The following SDHC variants were observed in gnomAD, a reference collection of about 807,000 sequenced individuals.
SDHC encodes the protein succinate dehydrogenase cytochrome b560 subunit, mitochondrial.
SDHC carries 11 observed loss-of-function variants against 22.6 expected under a neutral mutation model. That is an observed-to-expected ratio of 0.49 (90% confidence interval 0.31 to 0.81). SDHC has a LOEUF of 0.81. Among genes scored for constraint, SDHC ranks in the 30% least tolerant of loss-of-function variants. SDHC has a pLI of 0.05. For missense variants in SDHC, 160 were observed against 212.0 expected (o/e 0.75, Z 1.52); for synonymous variants, 80 against 77.8 (o/e 1.03, Z -0.15).
intron 4 of SDHC, among the ~76,000 whole-genome samples, chr1:161,354,999 C>T (rs369123322): frequency 2.4e-4 from 36 of 152,154 alleles, no homozygotes; most frequent in African/African-American, 8.4e-4. Flanking sequence ...CATGAGCCAC[C>T]GTGCCAGCCA....
Position 161,338,169 on chromosome 1 carries a change from G to C in SDHC, c.180-2425G>C, listed in dbSNP as rs898155367. 4.6e-5 allele frequency among the ~76,000 whole-genome samples: 7 copies of C among 152,114 alleles called. No homozygotes were observed. In the South Asian group the frequency reaches 1.0e-3, roughly 23 times the overall value. ...CTGTTCTTCCACCTTTTATATTTCT[G>C]TTGTTAAATCTGAGTTGATCAGAGT... is the stretch of plus-strand genomic sequence containing the variant. On this transcript the variant is annotated intron_variant, in intron 3 of 5. Transcript: ENST00000367975.
Position 161,350,923 on chromosome 1 carries a change from T to C in SDHC, c.242-5754T>C, listed in dbSNP as rs1219806041. On this transcript the variant is annotated intron_variant, in intron 4 of 5. Transcript: ENST00000367975. ...CTTAGGCATTTGGGTTTGACCTGCC[T>C]CTTGGGAGGGGCAAAGAATGAGATG... Among the ~76,000 whole-genome samples the C allele has an allele frequency of 3.3e-5, 5 of 152,036 alleles. No homozygotes were observed. In the East Asian group the frequency reaches 9.7e-4, roughly 29 times the overall value.
At chr1:161,351,581 A>G (rs1468855629) in intron 4 of SDHC, among the ~76,000 whole-genome samples, 2 of 152,182 alleles carry the variant, frequency 1.3e-5, no homozygotes, top group Admixed American at 6.5e-5. Context: ...AGCCCTTCCT[A>G]TTTCACAACT....
At chr1:161,324,461 A>G (rs1431962249) in intron 2 of SDHC, among the ~76,000 whole-genome samples, 2 of 152,216 alleles carry the variant, frequency 1.3e-5, no homozygotes, top group East Asian at 3.8e-4. Flanking sequence ...TTATTTTTTA[A>G]AAACTTTTTA....
Position 161,322,564 on chromosome 1 carries a change from TG to T in SDHC, c.21-1049del, listed in dbSNP as rs2102292511. Among the ~76,000 whole-genome samples the T allele has an allele frequency of 2.0e-5, 3 of 148,454 alleles. No homozygotes were observed. The South Asian group carries it at 6.5e-4, about 32-fold the overall frequency. ...ACTCTTAAACCTTTTTTTGTTTGTT[TG>T]TTTTTGTTTTTTTTTTTTTGAGACA... On this transcript the variant is annotated intron_variant, in intron 1 of 5. Coordinates refer to ENST00000367975, the MANE Select transcript of SDHC (RefSeq NM_003001.5).
In SDHC at chr1:161,362,902, G is replaced by A. The variant is rs148834287; in HGVS notation, c.*469G>A. 5.9e-3 allele frequency: 2,525 copies of A among 425,224 alleles called. 53 individuals carry two copies. The highest frequency in any genetic ancestry group is 0.042 in the African/African-American group (2,124 of 50,726). The allele number at this position is 425,224 out of a possible 1,614,324, so 26.3% of individuals were successfully genotyped here. On this transcript the variant is annotated 3_prime_UTR_variant, in exon 6 of 6. Transcript: ENST00000367975. ...ATTCTCTTCATTGGTGAGAGCCCAGGCCATTAACACCTACACAGTGTTATT... is the reference window on the plus strand; with the variant it reads ...ATTCTCTTCATTGGTGAGAGCCCAGACCATTAACACCTACACAGTGTTATT...
At chr1:161,322,837 C>G (rs1161821811) in intron 1 of SDHC, among the ~76,000 whole-genome samples, 1 of 152,182 alleles carries the variant, frequency 6.6e-6, no homozygotes, top group Non-Finnish European at 1.5e-5. Context: ...GTTGGGATTA[C>G]AGGCGTGAGC....
chr1:161,337,395 T>C (rs1404545209), intron 3 of SDHC, among the ~76,000 whole-genome samples: 2 of 152,130 alleles, frequency 1.3e-5, no homozygotes, highest in African/African-American at 4.8e-5. Flanking sequence ...TCCTTTCACA[T>C]GTCTTTGTAG....
chr1:161,338,353 A>G (rs1049859687), intron 3 of SDHC, among the ~76,000 whole-genome samples: 1 of 152,142 alleles, frequency 6.6e-6, no homozygotes, highest in Non-Finnish European at 1.5e-5. Flanking sequence ...TTCTTTTGAG[A>G]TCTTTTTAAC....
Position 161,323,784 on chromosome 1 carries a change from C to G in SDHC, c.77+114C>G, listed in dbSNP as rs1670939396. 5.6e-6 allele frequency: 4 copies of G among 718,086 alleles called. No homozygotes were observed. In the South Asian group the frequency reaches 6.5e-5, roughly 12 times the overall value. 44.5% of individuals were successfully genotyped at this position (718,086 alleles called of 1,614,324 possible). A position where few individuals can be genotyped will look rare whatever the true frequency, so the allele number is the denominator to read the frequency against. On this transcript the variant is annotated intron_variant, in intron 2 of 5. Transcript: ENST00000367975. ...GATCTCGGCTCACTGCAAGCGCCGC[C>G]TCTTGGGTTCACGCCATTCTCCTGC...
intron 1 of SDHC, among the ~76,000 whole-genome samples, chr1:161,318,155 G>T (rs376921080): frequency 1.3e-5 from 2 of 150,154 alleles, no homozygotes; most frequent in Non-Finnish European, 2.9e-5. Flanking sequence ...CTGGGCAACA[G>T]AGCAAGACTC....
intron 3 of SDHC, chr1:161,339,505 C>G: frequency 2.1e-6 from 2 of 968,370 alleles, no homozygotes; most frequent in Non-Finnish European, 2.8e-6. Context: ...GTGTCTTTGA[C>G]CCATGTTTCT....
chr1:161,328,007 A>AATTTT (rs1258472271), intron 2 of SDHC, among the ~76,000 whole-genome samples: 1 of 138,292 alleles, frequency 7.2e-6, no homozygotes. Flanking sequence ...GATACTGCAA[A>AATTTT]TTTTTTTTTT....
rs1178763847 is a variant in SDHC, at chr1:161,362,514, T to A, written c.*81T>A. 1 of 1,609,786 alleles carries A rather than the reference T, an allele frequency of 6.2e-7. No homozygotes were observed. The highest frequency in any genetic ancestry group is 1.3e-5 in the African/African-American group (1 of 74,932). On this transcript the variant is annotated 3_prime_UTR_variant, in exon 6 of 6. Coordinates refer to ENST00000367975, the MANE Select transcript of SDHC (RefSeq NM_003001.5). ...CTGTTTGTCATTCTTATCTCCAGCC[T>A]GGGAAAAGTTCTCCTTATTTGTTTA...
chr1:161,327,429 T>C (rs764698271), intron 2 of SDHC, among the ~76,000 whole-genome samples: 8 of 152,244 alleles, frequency 5.3e-5, no homozygotes, highest in Non-Finnish European at 8.8e-5. Context: ...TTGGGACATC[T>C]GGACTTTCTG....
intron 2 of SDHC, among the ~76,000 whole-genome samples, chr1:161,327,624 T>C (rs1334267711): frequency 6.6e-6 from 1 of 152,122 alleles, no homozygotes; most frequent in African/African-American, 2.4e-5. Flanking sequence ...TGCAATGGTG[T>C]GATCTTGGCT....
intron 4 of SDHC, among the ~76,000 whole-genome samples, chr1:161,340,934 GC>G (rs1439125182): frequency 6.6e-6 from 1 of 152,064 alleles, no homozygotes; most frequent in Non-Finnish European, 1.5e-5. Flanking sequence ...ACCTCCGCCT[GC>G]TGGGTTCCAG....
intron 3 of SDHC, among the ~76,000 whole-genome samples, chr1:161,330,833 C>T (rs556078760): frequency 2.0e-5 from 3 of 152,006 alleles, no homozygotes; most frequent in Non-Finnish European, 4.4e-5. Context: ...AACCCTGTCT[C>T]TACGAAGATA....
At chr1:161,316,113 G>A (rs1670602920) in intron 1 of SDHC, among the ~76,000 whole-genome samples, 1 of 152,080 alleles carries the variant, frequency 6.6e-6, no homozygotes, top group Admixed American at 6.5e-5. Context: ...ATACAATCGG[G>A]TTTTACACCG....
Sources: gnomAD v4.1 joint callset for allele counts (sites outside exome capture counted in the v4.1 genomes callset) on GRCh38, gnomAD v4.1.1 for gene constraint, MANE v1.5 for transcripts, NCBI Gene and HGNC (gene_info 2026-07-23, HGNC 2026-07-21) for gene names.